Variants in CD96 observed in about 807,000 individuals in gnomAD.
CD96 encodes CD96 molecule, also known as T-cell surface protein tactile.
CD96 carries 70 observed loss-of-function variants against 71.3 expected under a neutral mutation model. That is an observed-to-expected ratio of 0.98 (90% CI 0.81 to 1.20). The LOEUF is 1.20. Among genes scored for constraint, CD96 ranks in the 50% most tolerant of loss-of-function variants. CD96 has a pLI of 0.00. For missense variants in CD96, 742 were observed against 677.5 expected (o/e 1.10, Z -1.06); for synonymous variants, 248 against 233.0 (o/e 1.06, Z -0.59).
chr3:111,599,436 T>C (rs1339487318), intron 6 of CD96, among the ~76,000 whole-genome samples: 2 of 152,142 alleles, frequency 1.3e-5, no homozygotes, highest in Non-Finnish European at 2.9e-5. Flanking sequence ...AAAGTTATTA[T>C]AGGCCAGGCG....
At chr3:111,657,079 A>C (rs917480086), downstream of CD96, among the ~76,000 whole-genome samples, 1 of 152,056 alleles carries the variant, frequency 6.6e-6, no homozygotes, top group Admixed American at 6.6e-5. Context: ...AAGCACACTG[A>C]AAGAGAAAAA....
chr3:111,630,479 A>G (rs1009276844), intron 10 of CD96, among the ~76,000 whole-genome samples: 3 of 152,230 alleles, frequency 2.0e-5, no homozygotes, highest in Non-Finnish European at 4.4e-5. Context: ...ATCCCTGAAT[A>G]GACCAATAAC....
chr3:111,600,632 C>T (rs1321352806), intron 6 of CD96, 94 bp from the exon 7 acceptor site: 5 of 957,908 alleles, frequency 5.2e-6, no homozygotes, highest in Non-Finnish European at 8.4e-6. Flanking sequence ...TTAGACTCTA[C>T]ATTACCACAA....
intron 8 of CD96, among the ~76,000 whole-genome samples, chr3:111,607,904 A>G (rs1347402912): frequency 6.6e-6 from 1 of 152,172 alleles, no homozygotes; most frequent in Middle Eastern, 3.2e-3. Flanking sequence ...TTTTCATTTA[A>G]CAAGTATTAG....
chr3:111,622,822 C>T (rs939843478), intron 8 of CD96, among the ~76,000 whole-genome samples: 1 of 152,138 alleles, frequency 6.6e-6, no homozygotes, highest in African/African-American at 2.4e-5. Context: ...CTGTTTTTAT[C>T]TTATTATATT....
At chr3:111,615,101 T>C (rs529663751) in intron 8 of CD96, among the ~76,000 whole-genome samples, 1 of 152,368 alleles carries the variant, frequency 6.6e-6, no homozygotes, top group Admixed American at 6.5e-5. Flanking sequence ...ATTATGGTTC[T>C]TAACCTTTGG....
chr3:111,588,650 A>G (rs1319310750), intron 5 of CD96, among the ~76,000 whole-genome samples: 1 of 152,182 alleles, frequency 6.6e-6, no homozygotes, highest in Non-Finnish European at 1.5e-5. Flanking sequence ...TTATACAGGA[A>G]AAAGGTTATA....
chr3:111,615,442 T>C (rs974390520), intron 8 of CD96, among the ~76,000 whole-genome samples: 1 of 152,190 alleles, frequency 6.6e-6, no homozygotes, highest in Non-Finnish European at 1.5e-5. Flanking sequence ...GCAAACAAAA[T>C]ACCTTCTATA....
At chr3:111,555,177 C>T (rs372342890) in intron 2 of CD96, among the ~76,000 whole-genome samples, 180 of 106,278 alleles carry the variant, frequency 1.7e-3, no homozygotes, top group African/African-American at 6.6e-3. Flanking sequence ...GGGCTAAGAA[C>T]CCCTGATTTA....
chr3:111,612,854 G>T (rs1239826105), intron 8 of CD96: 1 of 974,748 alleles, frequency 1.0e-6, no homozygotes, highest in Non-Finnish European at 1.2e-6. Context: ...TGCAGCATCT[G>T]AGAGTGAAGA....
At position 111,649,882 on chromosome 3, in the gene CD96, T is replaced by C; in HGVS notation, c.*76T>C. 5.2e-6 allele frequency: 5 copies of C among 960,738 alleles called. No individual in the cohort carries two copies. Among genetic ancestry groups the C allele is most frequent in the Non-Finnish European group, 8.5e-6 (5 of 588,918 alleles). 59.5% of individuals were successfully genotyped at this position (960,738 alleles called of 1,614,324 possible). A position where few individuals can be genotyped will look rare whatever the true frequency, so the allele number is the denominator to read the frequency against. ...AGGTAGACATTGTGCTTTATTAATA[T>C]AGTCGCTCTTCAGCCATGCCTTTGC... is the stretch of plus-strand genomic sequence containing the variant. On this transcript the variant is annotated 3_prime_UTR_variant, in exon 14 of 14. Transcript: ENST00000352690.
At chr3:111,625,344 A>T (rs1248737066) in intron 10 of CD96, among the ~76,000 whole-genome samples, 1 of 152,126 alleles carries the variant, frequency 6.6e-6, no homozygotes, top group Non-Finnish European at 1.5e-5. Flanking sequence ...TCGATGCATG[A>T]CCCTCTGTAA....
chr3:111,567,494 C>T (rs1204923682), intron 2 of CD96, 29 bp from the exon 3 acceptor site: 4 of 1,591,380 alleles, frequency 2.5e-6, no homozygotes, highest in East Asian at 4.5e-5. Flanking sequence ...CAGAGATTCA[C>T]ATATTTTCTA....
chr3:111,569,533 G>T (rs1345180702), intron 3 of CD96, among the ~76,000 whole-genome samples: 1 of 152,198 alleles, frequency 6.6e-6, no homozygotes, highest in East Asian at 1.9e-4. Flanking sequence ...AAACCTTTTA[G>T]TAATGAAATG....
chr3:111,589,737 CT>C (rs1452926618), intron 5 of CD96, among the ~76,000 whole-genome samples: 1 of 152,144 alleles, frequency 6.6e-6, no homozygotes, highest in Non-Finnish European at 1.5e-5. Context: ...GGCTGAGTCA[CT>C]AATAAGGGGC....
In CD96 at chr3:111,626,610, A is replaced by G. The variant is rs551033080; in HGVS notation, c.1321+2206A>G. 1.6e-4 allele frequency among the ~76,000 whole-genome samples: 25 copies of G among 152,328 alleles called. No homozygotes were observed. In the South Asian group the frequency reaches 4.8e-3, roughly 29 times the overall value. ...AAATCCCTCCAAAATTAGTACATCTATGCATGAGATATGCACACAAATGTT... is the reference window on the plus strand; with the variant it reads ...AAATCCCTCCAAAATTAGTACATCTGTGCATGAGATATGCACACAAATGTT... On this transcript the variant is annotated intron_variant, in intron 10 of 13. Transcript: ENST00000352690.
At chr3:111,636,592 A>G (rs1303598605) in intron 10 of CD96, among the ~76,000 whole-genome samples, 1 of 152,246 alleles carries the variant, frequency 6.6e-6, no homozygotes, top group East Asian at 1.9e-4. Context: ...TTCAAAAGCC[A>G]TATGTGCTGT....
rs57510798 is a variant in CD96 at position 111,663,752 on chromosome 3, C to CTTTTT, written c.*53-1765_*53-1761dup. Among the ~76,000 whole-genome samples, 6 of 143,060 alleles carry CTTTTT rather than the reference C, an allele frequency of 4.2e-5. 1 individual carries two copies. Among genetic ancestry groups the CTTTTT allele is most frequent in the South Asian group, 2.2e-4 (1 of 4,574 alleles). 93.9% of individuals were successfully genotyped at this position (143,060 alleles called of 152,430 possible). The stretch of plus-strand genomic sequence containing the variant: ...TGTGAAGAAAAGAAATGCTTATACA[C>CTTTTT]TTTTTTTTTTTTTTGAGATGGAGTC... On this transcript the variant is annotated intron_variant and NMD_transcript_variant, in intron 14 of 14. Coordinates refer to the CD96 transcript ENST00000494798.
chr3:111,587,862 C>G (rs932201405), intron 5 of CD96, among the ~76,000 whole-genome samples: 7 of 152,172 alleles, frequency 4.6e-5, no homozygotes, highest in Non-Finnish European at 1.0e-4. Flanking sequence ...GCTGGAGTGG[C>G]TAGGACACAG....
Sources: gnomAD v4.1 joint callset for allele counts (sites outside exome capture counted in the v4.1 genomes callset) on GRCh38, gnomAD v4.1.1 for gene constraint, MANE v1.5 for transcripts, NCBI Gene and HGNC (gene_info 2026-07-23, HGNC 2026-07-21) for gene names.